SMARCD3: variants seen among roughly 807,000 people sequenced by gnomAD.
The protein encoded by SMARCD3 is SWI/SNF related BAF chromatin remodeling complex subunit D3, also known as SWI/SNF-related matrix-associated actin-dependent regulator of chromatin subfamily D member 3.
Under a neutral mutation model 58.0 loss-of-function variants are expected in SMARCD3, and 14 were observed. The observed-to-expected ratio is 0.24, with a 90% CI of 0.16 to 0.38. SMARCD3 has a LOEUF of 0.38. Ranked by LOEUF, SMARCD3 falls within the 10% of genes least tolerant of loss-of-function variation. SMARCD3 has a pLI of 1.00. For missense variants in SMARCD3, 408 were observed against 636.9 expected (o/e 0.64, Z 3.87); for synonymous variants, 253 against 253.8 (o/e 1.00, Z 0.03).
upstream of SMARCD3, among the ~76,000 whole-genome samples, chr7:151,253,213 T>C (rs958615579): frequency 2.6e-5 from 4 of 151,860 alleles, no homozygotes; most frequent in Non-Finnish European, 4.4e-5. Flanking sequence ...ACCGAGTGAG[T>C]GGGGGCTGCT....
chr7:151,241,719 AT>A lies in SMARCD3; in HGVS notation c.778-67del, dbSNP rs1802995823. On this transcript the variant is annotated intron_variant, in intron 7 of 12. Transcript: ENST00000262188. This position sits in a 1 kb window ranked among gnomAD's most constrained non-coding sequence, Gnocchi z 5.3. Reference sequence around the variant, plus strand: ...AAAGGAAGGAGCCCAGGGCCAGGCCATTCAGGACTAGGGGGATGTGTTGATT... The same window carrying A: ...AAAGGAAGGAGCCCAGGGCCAGGCCATCAGGACTAGGGGGATGTGTTGATT... The A allele has an allele frequency of 6.7e-7, 1 of 1,485,182 alleles. No individual in the cohort carries two copies. Among genetic ancestry groups the A allele is most frequent in the Non-Finnish European group, 9.3e-7 (1 of 1,078,450 alleles). 92.0% of individuals were successfully genotyped at this position (1,485,182 alleles called of 1,614,324 possible). A position where few individuals can be genotyped will look rare whatever the true frequency, so the allele number is the denominator to read the frequency against.
chr7:151,253,588 G>C (rs903554160), upstream of SMARCD3, among the ~76,000 whole-genome samples: 1 of 44 alleles, frequency 0.023, no homozygotes, highest in African/African-American at 0.12. Context: ...AGGAGAGCGG[G>C]GCTGGGCGCT....
chr7:151,243,782 A>G lies in SMARCD3; in HGVS notation c.291-81T>C. On this transcript the variant is annotated intron_variant, in intron 2 of 12. Coordinates refer to ENST00000262188, the MANE Select transcript of SMARCD3 (RefSeq NM_001003801.2). The surrounding 1 kb of genome is among the most constrained non-coding windows in gnomAD (Gnocchi z 4.4). ...CGAGGCCACCTGCTAGATTATCCCG[A>G]CATCTCCGCCCGCCTGGCTGGGGTT... is the stretch of plus-strand genomic sequence containing the variant. 1 of 960,726 alleles carries G rather than the reference A, an allele frequency of 1.0e-6. No homozygotes were observed. The highest frequency in any genetic ancestry group is 1.7e-6 in the Non-Finnish European group (1 of 584,682). 59.5% of individuals were successfully genotyped at this position (960,726 alleles called of 1,614,324 possible). A position where few individuals can be genotyped will look rare whatever the true frequency, so the allele number is the denominator to read the frequency against.
At position 151,243,476 on chromosome 7, in the gene SMARCD3, C is replaced by T. The variant is rs1160971644; in HGVS notation, c.333+183G>A. On this transcript the variant is annotated intron_variant, in intron 3 of 12. Transcript: ENST00000262188. This position sits in a 1 kb window ranked among gnomAD's most constrained non-coding sequence, Gnocchi z 4.4. ...GGCCCCTGTGTTCTGGCCCCAGTGG[C>T]TCTGCTGCTTCCCTCCACCTCACCC... 3.9e-5 allele frequency among the ~76,000 whole-genome samples: 6 copies of T among 152,136 alleles called. No individual in the cohort carries two copies. In the East Asian group the frequency reaches 9.6e-4, roughly 24 times the overall value.
chr7:151,275,126 G>A, exon 2 of SMARCD3: 1 of 1,612,020 alleles, frequency 6.2e-7, no homozygotes, highest in Non-Finnish European at 8.5e-7. Flanking sequence ...GTACCACGGT[G>A]GGTGGGTGCT....
Position 151,245,688 on chromosome 7 carries a change from G to T in SMARCD3, c.79-17C>A. 1 of 807,130 alleles carries T rather than the reference G, an allele frequency of 1.2e-6. No individual in the cohort carries two copies. Among genetic ancestry groups the T allele is most frequent in the Non-Finnish European group, 1.7e-6 (1 of 600,634 alleles). The allele number at this position is 807,130 out of a possible 1,614,324, so 50.0% of individuals were successfully genotyped here. ...CCCGGGGCGCTGGGGGTGGGCGGGG[G>T]TGAAGCAGAAACGGGCGCCCGTGGG... On this transcript the variant is annotated splice_polypyrimidine_tract_variant and intron_variant, in intron 1 of 12. Transcript: ENST00000262188. The surrounding 1 kb of genome is among the most constrained non-coding windows in gnomAD (Gnocchi z 6.2).
At position 151,261,433 on chromosome 7, in the gene SMARCD3, G is replaced by C. The variant is rs1006530772; in HGVS notation, c.39+13681C>G. On this transcript the variant is annotated intron_variant, in intron 2 of 13. Coordinates refer to the SMARCD3 transcript ENST00000356800. ...GGTTCAAACCCCACCCAGCCACTGA[G>C]TGACCATAACCCTGATCATGTTACC... 2.6e-5 allele frequency among the ~76,000 whole-genome samples: 4 copies of C among 152,342 alleles called. No individual in the cohort carries two copies. In the South Asian group the frequency reaches 8.3e-4, roughly 32 times the overall value.
At chr7:151,252,499 A>T (rs140580459), upstream of SMARCD3, among the ~76,000 whole-genome samples, 39 of 152,136 alleles carry the variant, frequency 2.6e-4, no homozygotes, top group African/African-American at 9.4e-4. Flanking sequence ...AGAAAGAGAG[A>T]GGGAGAAAGT....
chr7:151,258,390 C>T (rs1235740764), intron 2 of SMARCD3, among the ~76,000 whole-genome samples: 3 of 151,836 alleles, frequency 2.0e-5, no homozygotes, highest in African/African-American at 4.8e-5. Context: ...CATGGTGAAA[C>T]CCCGTCTCTA....
In SMARCD3 at chr7:151,238,961, C is replaced by G. The variant is rs1008826249; in HGVS notation, c.*142G>C. On this transcript the variant is annotated 3_prime_UTR_variant, in exon 13 of 13. Transcript: ENST00000262188. ...CCCTCCCCTCCCCAGTTTCCAATGACCACACGGCTGCTGTCAGATGAATGA... is the reference window on the plus strand; with the variant it reads ...CCCTCCCCTCCCCAGTTTCCAATGAGCACACGGCTGCTGTCAGATGAATGA... 5 of 1,064,998 alleles carry G rather than the reference C, an allele frequency of 4.7e-6. No homozygotes were observed. Among genetic ancestry groups the G allele is most frequent in the Non-Finnish European group, 7.1e-6 (5 of 699,380 alleles). 66.0% of individuals were successfully genotyped at this position (1,064,998 alleles called of 1,614,324 possible). A position where few individuals can be genotyped will look rare whatever the true frequency, so the allele number is the denominator to read the frequency against.
upstream of SMARCD3, among the ~76,000 whole-genome samples, chr7:151,251,887 G>A (rs1021576925): frequency 6.8e-6 from 1 of 147,282 alleles, no homozygotes; most frequent in Admixed American, 6.7e-5. Flanking sequence ...GCCCGAGCGA[G>A]CGGGCGGCGG....
intron 2 of SMARCD3, among the ~76,000 whole-genome samples, chr7:151,272,449 C>T (rs917402): frequency 0.069 from 10,428 of 152,226 alleles, 521 homozygotes; most frequent in Non-Finnish European, 0.1. Flanking sequence ...CTCCCTGTGT[C>T]TTCCTCTCCC....
At chr7:151,274,992 C>T in intron 2 of SMARCD3, 1 of 771,676 alleles carries the variant, frequency 1.3e-6, no homozygotes, top group African/African-American at 1.7e-5. Flanking sequence ...ACTAAGGAGT[C>T]CAGCTGGGGG....
At chr7:151,274,573 G>A (rs1052317266) in intron 2 of SMARCD3, among the ~76,000 whole-genome samples, 4 of 152,244 alleles carry the variant, frequency 2.6e-5, no homozygotes, top group East Asian at 1.9e-4. Flanking sequence ...TGCCACAAGC[G>A]GAACCCTGCC....
At position 151,239,845 on chromosome 7, in the gene SMARCD3, C is replaced by T. The variant is rs1364849461; in HGVS notation, c.1174-99G>A. ...GAAGGGGAGGGAGAGGGGGTTTCTTCTGTGAAGGACAACCCCTCAGAGCCC... is the reference window on the plus strand; with the variant it reads ...GAAGGGGAGGGAGAGGGGGTTTCTTTTGTGAAGGACAACCCCTCAGAGCCC... On this transcript the variant is annotated intron_variant, in intron 10 of 12. Transcript: ENST00000262188. This position sits in a 1 kb window ranked among gnomAD's most constrained non-coding sequence, Gnocchi z 7.0. The T allele has an allele frequency of 2.4e-5, 31 of 1,295,664 alleles. No individual in the cohort carries two copies. Among genetic ancestry groups the T allele is most frequent in the Non-Finnish European group, 3.3e-5 (30 of 914,372 alleles). The allele number at this position is 1,295,664 out of a possible 1,614,324, so 80.3% of individuals were successfully genotyped here.
chr7:151,263,949 G>T (rs976729512), intron 2 of SMARCD3, among the ~76,000 whole-genome samples: 8 of 152,068 alleles, frequency 5.3e-5, no homozygotes, highest in African/African-American at 1.7e-4. Context: ...TCCCTATCTG[G>T]TCCTCAAACT....
At chr7:151,254,766 C>T (rs919609277) in intron 2 of SMARCD3, among the ~76,000 whole-genome samples, 1 of 152,206 alleles carries the variant, frequency 6.6e-6, no homozygotes, top group African/African-American at 2.4e-5. Flanking sequence ...TGCCCCTCAC[C>T]TCGGGAAGCT....
At position 151,242,850 on chromosome 7, in the gene SMARCD3, A is replaced by G. The variant is rs112866112; in HGVS notation, c.334-7T>C. The G allele has an allele frequency of 1.4e-4, 225 of 1,613,848 alleles. No individual in the cohort carries two copies. Among genetic ancestry groups the G allele is most frequent in the Middle Eastern group, 1.2e-3 (7 of 6,082 alleles). Reference sequence around the variant, plus strand: ...CGGGGACCAGCTCCCGAATCTGGAGAAGGAGGAGCAGGGCAGGAGTCAGAG... The same window carrying G: ...CGGGGACCAGCTCCCGAATCTGGAGGAGGAGGAGCAGGGCAGGAGTCAGAG... On this transcript the variant is annotated splice_polypyrimidine_tract_variant and splice_region_variant and intron_variant, in intron 3 of 12. Coordinates refer to ENST00000262188, the MANE Select transcript of SMARCD3 (RefSeq NM_001003801.2). The surrounding 1 kb of genome is among the most constrained non-coding windows in gnomAD (Gnocchi z 4.7).
In SMARCD3 at chr7:151,241,619, C is replaced by G. The variant is rs1167680279; in HGVS notation, c.812G>C (p.Arg271Pro). ...PQFKLDPRLA[R>P]LLGLHTQSRS... ...GCTCTGTGTGTGCAGCCCCAGCAGC[C>G]GGGCTAGGCGGGGATCCAGTTTGAA... The change falls in exon 8 of 13, where the codon CGG becomes CCG. Residue 271 changes from arginine to proline, a missense_variant. Physicochemically the swap from Arg to Pro is moderately radical, Grantham distance 103. Transcript: ENST00000262188. The surrounding 1 kb of genome is among the most constrained non-coding windows in gnomAD (Gnocchi z 5.3). The G allele has an allele frequency of 6.2e-7, 1 of 1,611,308 alleles. No homozygotes were observed. The highest frequency in any genetic ancestry group is 8.5e-7 in the Non-Finnish European group (1 of 1,178,796).
Sources: gnomAD v4.1 joint callset for allele counts (sites outside exome capture counted in the v4.1 genomes callset) on GRCh38, gnomAD v4.1.1 for gene constraint, Gnocchi (gnomAD v3.1) non-coding constraint, MANE v1.5 for transcripts, NCBI Gene and HGNC (gene_info 2026-07-23, HGNC 2026-07-21) for gene names.